The following DAPP1 variants were observed in gnomAD, a reference collection of about 807,000 sequenced individuals.
DAPP1 encodes dual adaptor of phosphotyrosine and 3-phosphoinositides 1.
Under a neutral mutation model 41.5 loss-of-function variants are expected in DAPP1, and 20 were observed. The observed-to-expected ratio is 0.48, with a 90% confidence interval of 0.34 to 0.70. DAPP1 has a LOEUF of 0.70. Among genes scored for constraint, DAPP1 ranks in the 30% least tolerant of loss-of-function variants. The pLI, the probability that DAPP1 is intolerant of heterozygous loss-of-function variation, is 0.01. For synonymous variants in DAPP1, 113 were observed against 116.2 expected, an observed-to-expected ratio of 0.97 and a Z score of 0.18; for missense variants, 233 against 333.4, an observed-to-expected ratio of 0.70 and a Z score of 2.35.
intron 1 of DAPP1, among the ~76,000 whole-genome samples, chr4:99,826,428 T>C (rs1046275469): frequency 3.3e-5 from 5 of 152,256 alleles, no homozygotes; most frequent in Non-Finnish European, 7.3e-5. Context: ...CGTTGAAATA[T>C]ATGTCCTCTT....
rs770873947 is a variant in DAPP1, at chr4:99,827,113, A to G, written c.102-8510A>G. Reference sequence around the variant, plus strand: ...ACATGCTCCTCAAACTCTAAAGTGCATAACAATCACGTGGGACTTAGCAGG... The same window carrying G: ...ACATGCTCCTCAAACTCTAAAGTGCGTAACAATCACGTGGGACTTAGCAGG... On this transcript the variant is annotated intron_variant, in intron 1 of 8. Coordinates refer to ENST00000512369, the MANE Select transcript of DAPP1 (RefSeq NM_014395.3). 3.3e-5 allele frequency among the ~76,000 whole-genome samples: 5 copies of G among 152,220 alleles called. No individual in the cohort carries two copies. The South Asian group carries it at 6.2e-4, about 19-fold the overall frequency.
chr4:99,826,605 C>A (rs143515718), intron 1 of DAPP1, among the ~76,000 whole-genome samples: 9 of 152,288 alleles, frequency 5.9e-5, no homozygotes, highest in African/African-American at 1.7e-4. Flanking sequence ...TTTTAAAGTG[C>A]AAGATTGCTT....
chr4:99,868,431 AC>A lies in DAPP1; in HGVS notation c.*247del, dbSNP rs1724537980. ...TCTGATAGAAAGTGCTTAAACCACC[AC>A]TCTTAGGTCTGCTCACTCTTAGAAC... is the stretch of plus-strand genomic sequence containing the variant. On this transcript the variant is annotated 3_prime_UTR_variant, in exon 9 of 9. Transcript: ENST00000512369. 1.9e-6 allele frequency: 1 copy of A among 519,170 alleles called. No individual in the cohort carries two copies. The highest frequency in any genetic ancestry group is 3.5e-6 in the Non-Finnish European group (1 of 287,358). 32.2% of individuals were successfully genotyped at this position (519,170 alleles called of 1,614,324 possible).
chr4:99,853,204 T>A lies in DAPP1; in HGVS notation c.359-14T>A, dbSNP rs771397827. On this transcript the variant is annotated splice_polypyrimidine_tract_variant and intron_variant, in intron 3 of 8. Coordinates refer to ENST00000512369, the MANE Select transcript of DAPP1 (RefSeq NM_014395.3). Reference sequence around the variant, plus strand: ...GGAACACTGTTCGATTATATATTTTTCATCTTCATTCAGGCACTCTGATGG... The same window carrying A: ...GGAACACTGTTCGATTATATATTTTACATCTTCATTCAGGCACTCTGATGG... 2.5e-6 allele frequency: 4 copies of A among 1,613,732 alleles called. No individual in the cohort carries two copies. Among genetic ancestry groups the A allele is most frequent in the Non-Finnish European group, 3.4e-6 (4 of 1,179,752 alleles).
At chr4:99,859,162 T>G (rs898808949) in intron 4 of DAPP1, among the ~76,000 whole-genome samples, 1 of 152,142 alleles carries the variant, frequency 6.6e-6, no homozygotes, top group African/African-American at 2.4e-5. Context: ...GCAATGCTCA[T>G]GCTTCAGCCT....
intron 3 of DAPP1, among the ~76,000 whole-genome samples, chr4:99,841,767 G>C (rs940803326): frequency 2.0e-5 from 3 of 152,106 alleles, no homozygotes; most frequent in African/African-American, 7.2e-5. Context: ...TATCCGCCAG[G>C]TCCTGGCCCA....
chr4:99,840,947 G>T (rs1178330647), intron 3 of DAPP1, among the ~76,000 whole-genome samples: 2 of 151,546 alleles, frequency 1.3e-5, no homozygotes, highest in African/African-American at 2.4e-5. Context: ...AATGGTTAGA[G>T]AATTAAACCA....
chr4:99,853,117 A>C, intron 3 of DAPP1, 101 bp from the exon 4 acceptor site: 2 of 1,414,164 alleles, frequency 1.4e-6, no homozygotes, highest in Admixed American at 4.6e-5. Context: ...AATACATGAA[A>C]AAAACAAAAG....
intron 1 of DAPP1, among the ~76,000 whole-genome samples, chr4:99,824,994 A>C (rs1281198062): frequency 6.6e-6 from 1 of 152,080 alleles, no homozygotes; most frequent in Non-Finnish European, 1.5e-5. Flanking sequence ...GGTCTGTCCA[A>C]ATCTGACTTC....
In DAPP1 at chr4:99,829,943, G is replaced by A. The variant is rs562344718; in HGVS notation, c.102-5680G>A. Among the ~76,000 whole-genome samples, 22 of 152,158 alleles carry A rather than the reference G, an allele frequency of 1.4e-4. No individual in the cohort carries two copies. In the South Asian group the frequency reaches 4.6e-3, roughly 32 times the overall value. ...TTTGTTTTTAAAATTTGTAATTTGC[G>A]ATTTCTCATTTTAAATAAATATTCC... On this transcript the variant is annotated intron_variant, in intron 1 of 8. Transcript: ENST00000512369.
At chr4:99,821,677 T>C (rs529658059) in intron 1 of DAPP1, among the ~76,000 whole-genome samples, 1 of 152,360 alleles carries the variant, frequency 6.6e-6, no homozygotes, top group African/African-American at 2.4e-5. Context: ...AGAGCCTTCA[T>C]GCTTGACTGC....
intron 1 of DAPP1, among the ~76,000 whole-genome samples, chr4:99,830,474 T>A (rs2110139041): frequency 6.6e-6 from 1 of 152,330 alleles, no homozygotes; most frequent in South Asian, 2.1e-4. Context: ...ACATGCATAT[T>A]AAGCCACAGG....
chr4:99,870,982 T>G (rs1724615633), downstream of DAPP1, among the ~76,000 whole-genome samples: 1 of 152,192 alleles, frequency 6.6e-6, no homozygotes. Context: ...AACCCCATCA[T>G]AAGTCAAGGA....
intron 1 of DAPP1, among the ~76,000 whole-genome samples, chr4:99,832,132 T>C (rs1214259006): frequency 6.6e-6 from 1 of 152,230 alleles, no homozygotes; most frequent in African/African-American, 2.4e-5. Context: ...ACTAGATTAA[T>C]GGTTATTTGT....
At chr4:99,836,988 T>C (rs1214435096) in intron 2 of DAPP1, among the ~76,000 whole-genome samples, 1 of 152,208 alleles carries the variant, frequency 6.6e-6, no homozygotes, top group Non-Finnish European at 1.5e-5. Context: ...TCCTTTTAGC[T>C]GTCAGCCAGG....
In DAPP1 at chr4:99,853,288, G is replaced by C; in HGVS notation, c.429G>C (p.Arg143=). The C allele has an allele frequency of 1.2e-6, 2 of 1,613,280 alleles. No homozygotes were observed. The highest frequency in any genetic ancestry group is 1.7e-6 in the Non-Finnish European group (2 of 1,179,612). Residue 143 remains arginine (R), a synonymous_variant, in exon 4 of 9, where the codon CGG becomes CGC. Transcript: ENST00000512369. ...AACCCTCCATTTATGAATCTGTCCG[G>C]GTTCACACAGCAATGCAGACAGGAA... ...VEEPSIYESV[R]VHTAMQTGRT...
At chr4:99,856,806 A>G (rs919132) in intron 4 of DAPP1, among the ~76,000 whole-genome samples, 75,666 of 151,434 alleles carry the variant, frequency 0.5, 19,565 homozygotes, top group African/African-American at 0.64. Context: ...ATTTATGCTA[A>G]TTCCCTGTGC....
intron 1 of DAPP1, among the ~76,000 whole-genome samples, chr4:99,819,551 A>G (rs985298772): frequency 1.3e-5 from 2 of 152,190 alleles, no homozygotes; most frequent in Admixed American, 1.3e-4. Context: ...CGAACATTAT[A>G]ATGACTTTTT....
rs1186881797 is a variant in DAPP1, at chr4:99,869,385, A to G, written c.*1200A>G. The G allele has an allele frequency of 6.6e-6, 1 of 152,200 alleles. No individual in the cohort carries two copies. Among genetic ancestry groups the G allele is most frequent in the African/African-American group, 2.4e-5 (1 of 41,446 alleles). The allele number at this position is 152,200 out of a possible 1,614,324, so 9.4% of individuals were successfully genotyped here. A position where few individuals can be genotyped will look rare whatever the true frequency, so the allele number is the denominator to read the frequency against. ...TTAATACTATTTTTGTTTAGATAGA[A>G]GTTTCAAAGAAGATAAAAATGCTTG... On this transcript the variant is annotated 3_prime_UTR_variant, in exon 9 of 9. Transcript: ENST00000512369.
Sources: allele counts gnomAD v4.1 joint callset (sites outside exome capture counted in the v4.1 genomes callset), GRCh38; gene constraint gnomAD v4.1.1; transcripts MANE v1.5; gene names NCBI Gene and HGNC (gene_info 2026-07-23, HGNC 2026-07-21).